The following ACACB variants were observed in gnomAD, a reference collection of about 807,000 sequenced individuals.
The protein encoded by ACACB is acetyl-CoA carboxylase 2.
A neutral mutation model predicts 278.8 loss-of-function variants in ACACB; 209 were observed. The ratio of observed to expected loss-of-function variants is 0.75; its 90% CI spans 0.67 to 0.84. The LOEUF (loss-of-function observed/expected upper bound fraction) is 0.84, where lower values mean the gene tolerates loss of function less well. Among genes scored for constraint, ACACB ranks in the 40% least tolerant of loss-of-function variants. ACACB has a pLI of 0.00. For missense variants in ACACB, 2,850 were observed against 3,269.0 expected, an observed-to-expected ratio of 0.87 and a Z score of 3.13; for synonymous variants, 1,174 against 1,285.6, an observed-to-expected ratio of 0.91 and a Z score of 1.86.
chr12:109,209,767 ATG>A (rs145214400), intron 21 of ACACB, among the ~76,000 whole-genome samples: 20 of 145,232 alleles, frequency 1.4e-4, no homozygotes, highest in East Asian at 2.0e-4. Context: ...AGCTCCATGT[ATG>A]TGTGTGTGTG....
At chr12:109,230,783 C>T (rs193255276) in intron 28 of ACACB, among the ~76,000 whole-genome samples, 29 of 152,250 alleles carry the variant, frequency 1.9e-4, no homozygotes, top group African/African-American at 6.5e-4. Context: ...AAGGGAAGGG[C>T]GGCTCTCCTG....
intron 3 of ACACB, chr12:109,167,334 G>T: frequency 5.1e-6 from 1 of 194,446 alleles, no homozygotes; most frequent in Non-Finnish European, 1.1e-5. Flanking sequence ...TGTAATCCCA[G>T]CACTTTGGGA....
intron 13 of ACACB, 129 bp downstream of exon 13, chr12:109,188,291 C>T (rs2044742428): frequency 3.1e-5 from 31 of 988,142 alleles, no homozygotes; most frequent in Non-Finnish European, 4.4e-5. Context: ...TTTCTTCTTC[C>T]CTCCCTCTCA....
rs764524027 is a variant in ACACB at position 109,265,224 on chromosome 12, G to T, written c.7057G>T (p.Val2353Leu). Residue 2353 changes from valine (V) to leucine (L), a missense_variant, in exon 51 of 53, where the codon GTG becomes TTG. By Grantham distance (32) the Val-to-Leu change is conservative. This residue lies in a region of ACACB where 579 missense variants were observed against 684.6 expected (regional missense o/e 0.85). Coordinates refer to ENST00000338432, the MANE Select transcript of ACACB (RefSeq NM_001093.4). ...GCAGGCCAGCGGGGAGCTGAGTCAC[G>T]TGCATATCCAGTCCATGCTGCGTCG... ...ILQASGELSH[V>L]HIQSMLRRWF... 1.2e-6 allele frequency: 2 copies of T among 1,613,650 alleles called. No homozygotes were observed. The highest frequency in any genetic ancestry group is 1.7e-6 in the Non-Finnish European group (2 of 1,180,028).
intron 49 of ACACB, chr12:109,262,950 T>TTATATA (rs58002068): frequency 0.033 from 2,070 of 62,266 alleles, 112 homozygotes; most frequent in Middle Eastern, 0.059. Flanking sequence ...CTTTTTAACA[T>TTATATA]TATATATATA....
At chr12:109,235,390 T>A (rs2046605882) in intron 32 of ACACB, 21 bp downstream of exon 32, 1 of 1,607,696 alleles carries the variant, frequency 6.2e-7, no homozygotes, top group Admixed American at 1.7e-5. Flanking sequence ...AGTTCATCTC[T>A]ATGAGTCTTT....
At chr12:109,159,596 G>T (rs1016787764) in intron 2 of ACACB, among the ~76,000 whole-genome samples, 1 of 152,138 alleles carries the variant, frequency 6.6e-6, no homozygotes, top group Non-Finnish European at 1.5e-5. Context: ...GAGGATGGCC[G>T]CAGTCTACCA....
rs2045332792 is a variant in ACACB at position 109,201,578 on chromosome 12, G to A, written c.2790G>A (p.Met930Ile). ...TTTTTACGAAATAGGTGATGAAGAT[G>A]ATCATGACCCTGAACGTTCAGGAAA... ...SSYAEMEVMK[M>I]IMTLNVQERG... Residue 930 changes from methionine (M) to isoleucine (I), a missense_variant, in exon 19 of 53, where the codon ATG (methionine) becomes ATA (isoleucine). Around this residue, in one of 3 missense-constraint regions of ACACB, gnomAD observed 2,265 missense variants for 2,561.3 expected, o/e 0.88. Transcript: ENST00000338432. 1.2e-6 allele frequency: 2 copies of A among 1,614,118 alleles called. No individual in the cohort carries two copies. Among genetic ancestry groups the A allele is most frequent in the African/African-American group, 2.7e-5 (2 of 75,040 alleles).
At chr12:109,173,230 G>A (rs753111003) in intron 6 of ACACB, among the ~76,000 whole-genome samples, 5 of 152,208 alleles carry the variant, frequency 3.3e-5, no homozygotes, top group Non-Finnish European at 7.3e-5. Context: ...GTACCTGGGT[G>A]ATGAAATAAT....
intron 12 of ACACB, among the ~76,000 whole-genome samples, chr12:109,187,427 C>T (rs1480849564): frequency 6.7e-6 from 1 of 149,212 alleles, no homozygotes; most frequent in South Asian, 2.1e-4. Context: ...TCCCAACTCG[C>T]TTATTTTATT....
Position 109,245,764 on chromosome 12 carries a change from A to C in ACACB, c.5301+16A>C, listed in dbSNP as rs1361427263. ...TGGAAATGAGGTAATAGCTCAGCGG[A>C]GCCTAACCCCTGGCTGGAGTCACCC... On this transcript the variant is annotated intron_variant, in intron 38 of 52. Transcript: ENST00000338432. 6.2e-7 allele frequency: 1 copy of C among 1,612,668 alleles called. No individual in the cohort carries two copies. The highest frequency in any genetic ancestry group is 2.2e-5 in the East Asian group (1 of 44,854).
chr12:109,250,884 G>A (rs1297681494), intron 41 of ACACB, among the ~76,000 whole-genome samples: 1 of 152,200 alleles, frequency 6.6e-6, no homozygotes. Flanking sequence ...AGATCCAAGT[G>A]CCTCATCCAA....
intron 18 of ACACB, among the ~76,000 whole-genome samples, chr12:109,201,191 T>C (rs1407210741): frequency 6.6e-6 from 1 of 152,244 alleles, no homozygotes; most frequent in Admixed American, 6.5e-5. Context: ...AACAAACTGT[T>C]CACAAAATGT....
intron 2 of ACACB, among the ~76,000 whole-genome samples, chr12:109,145,495 A>C (rs1006298408): frequency 3.1e-4 from 47 of 151,700 alleles, no homozygotes; most frequent in African/African-American, 1.1e-3. Context: ...CTATTATTCT[A>C]CTCTTTAGGT....
Position 109,233,830 on chromosome 12 carries a change from T to C in ACACB, c.4222T>C (p.Ser1408Pro). The change falls in exon 30 of 53, where the codon TCC becomes CCC. Residue 1408 changes from serine (S) to proline (P), a missense_variant. Ser to Pro is a moderately conservative substitution (Grantham distance 74). This residue lies in a region of ACACB where 2,265 missense variants were observed against 2,561.3 expected (regional missense o/e 0.88). Coordinates refer to ENST00000338432, the MANE Select transcript of ACACB (RefSeq NM_001093.4). Reference sequence around the variant, plus strand: ...CAGCGAGGCCCGCACCTCCCTATACTCCGAGGATGACTGCAAGGTAAGCGT... The same window carrying C: ...CAGCGAGGCCCGCACCTCCCTATACCCCGAGGATGACTGCAAGGTAAGCGT... Reference protein sequence around the residue: ...LFSEARTSLYSEDDCKSLREE... With the variant: ...LFSEARTSLYPEDDCKSLREE... 1 of 1,614,064 alleles carries C rather than the reference T, an allele frequency of 6.2e-7. No individual in the cohort carries two copies. The highest frequency in any genetic ancestry group is 8.5e-7 in the Non-Finnish European group (1 of 1,180,012).
Position 109,242,599 on chromosome 12 carries a change from C to A in ACACB, c.5178+7C>A. On this transcript the variant is annotated splice_region_variant and intron_variant, in intron 37 of 52. Transcript: ENST00000338432. ...CCCGGAAATGTTCAGGCAGGCAAGTCCGGCGGCTCAGACGCGGTACCCCCT... is the reference window on the plus strand; with the variant it reads ...CCCGGAAATGTTCAGGCAGGCAAGTACGGCGGCTCAGACGCGGTACCCCCT... 1 of 1,613,916 alleles carries A rather than the reference C, an allele frequency of 6.2e-7. No individual in the cohort carries two copies. Among genetic ancestry groups the A allele is most frequent in the Non-Finnish European group, 8.5e-7 (1 of 1,179,864 alleles).
chr12:109,235,419 G>A (rs1441708451), intron 32 of ACACB, 50 bp downstream of exon 32: 2 of 1,555,526 alleles, frequency 1.3e-6, no homozygotes, highest in Non-Finnish European at 1.8e-6. Context: ...CCAAGCCTTG[G>A]TGTGTGCCAT....
intron 2 of ACACB, among the ~76,000 whole-genome samples, chr12:109,151,815 G>A (rs934964598): frequency 6.6e-6 from 1 of 152,212 alleles, no homozygotes; most frequent in Non-Finnish European, 1.5e-5. Context: ...TCATCAAAAA[G>A]CACAACAATG....
chr12:109,255,411 T>C (rs1451289549), intron 44 of ACACB, among the ~76,000 whole-genome samples: 1 of 152,210 alleles, frequency 6.6e-6, no homozygotes, highest in African/African-American at 2.4e-5. Flanking sequence ...CTCTTGCTTT[T>C]CATTTCTCTT....
Sources: allele counts gnomAD v4.1 joint callset (sites outside exome capture counted in the v4.1 genomes callset), GRCh38; gene constraint gnomAD v4.1.1; regional missense constraint gnomAD v4.1.1; transcripts MANE v1.5; gene names NCBI Gene and HGNC (gene_info 2026-07-23, HGNC 2026-07-21).